The following GRIK1 variants were observed in gnomAD, a reference collection of about 807,000 sequenced individuals.
GRIK1 encodes glutamate receptor ionotropic, kainate 1.
GRIK1 carries 69 observed loss-of-function variants against 105.7 expected under a neutral mutation model. The observed-to-expected ratio is 0.65, with a 90% CI of 0.54 to 0.80. GRIK1 has a LOEUF of 0.80. Ranked by LOEUF, GRIK1 falls within the 30% of genes least tolerant of loss-of-function variation. The pLI is 0.00. For missense variants in GRIK1, 1,109 were observed against 1,167.3 expected, an observed-to-expected ratio of 0.95 and a Z score of 0.73; for synonymous variants, 438 against 431.3, an observed-to-expected ratio of 1.02 and a Z score of -0.19.
At chr21:29,764,330 T>G (rs1166661435) in intron 1 of GRIK1, among the ~76,000 whole-genome samples, 1 of 152,228 alleles carries the variant, frequency 6.6e-6, no homozygotes, top group African/African-American at 2.4e-5. Flanking sequence ...GAAACCTTTA[T>G]TTATTTCCTC....
intron 1 of GRIK1, among the ~76,000 whole-genome samples, chr21:29,855,942 T>C (rs2068449981): frequency 6.6e-6 from 1 of 152,118 alleles, no homozygotes; most frequent in South Asian, 2.1e-4. Context: ...TGAGGAATGT[T>C]TGGTAAAGGA....
chr21:29,912,054 C>G (rs1569212451), intron 1 of GRIK1, among the ~76,000 whole-genome samples: 1 of 151,988 alleles, frequency 6.6e-6, no homozygotes, highest in African/African-American at 2.4e-5. Flanking sequence ...CACACATATA[C>G]ACAGAGAGAA....
chr21:29,643,764 T>G (rs1437196540), intron 6 of GRIK1, among the ~76,000 whole-genome samples: 1 of 152,238 alleles, frequency 6.6e-6, no homozygotes, highest in African/African-American at 2.4e-5. Context: ...CCCTTGCATT[T>G]CACTTGAGGG....
chr21:29,848,779 A>ATATATATATATATATATATATATTTTTTT, intron 1 of GRIK1, among the ~76,000 whole-genome samples: 11 of 77,858 alleles, frequency 1.4e-4, no homozygotes, highest in African/African-American at 5.8e-4. Context: ...ATATATATAT[A>ATATATATATATATATATATATATTTTTTT]TTTTTTTTTT....
At chr21:29,846,473 G>GAAAT (rs2068126370) in intron 1 of GRIK1, among the ~76,000 whole-genome samples, 2 of 75,282 alleles carry the variant, frequency 2.7e-5, no homozygotes, top group Non-Finnish European at 7.5e-5. Context: ...GAGAAAGAAA[G>GAAAT]AAAGAAAGAA....
At chr21:29,739,870 T>C (rs112169115) in intron 1 of GRIK1, among the ~76,000 whole-genome samples, 73 of 152,368 alleles carry the variant, frequency 4.8e-4, no homozygotes, top group Middle Eastern at 3.4e-3. Flanking sequence ...TATTATCACC[T>C]TTCTCTTTGA....
chr21:29,697,928 C>CTCTTTCTTTCTT (rs139206707), intron 1 of GRIK1, among the ~76,000 whole-genome samples: 70 of 145,974 alleles, frequency 4.8e-4, no homozygotes, highest in African/African-American at 1.6e-3. Flanking sequence ...CTCTCTCTCT[C>CTCTTTCTTTCTT]TCTTTCTTTC....
chr21:29,883,748 T>A (rs1203250465), intron 1 of GRIK1, among the ~76,000 whole-genome samples: 2 of 151,984 alleles, frequency 1.3e-5, no homozygotes, highest in Non-Finnish European at 2.9e-5. Flanking sequence ...TATTTATGTG[T>A]TTTTTCTCAA....
intron 1 of GRIK1, among the ~76,000 whole-genome samples, chr21:29,751,059 T>G (rs2065188785): frequency 6.6e-6 from 1 of 152,094 alleles, no homozygotes; most frequent in African/African-American, 2.4e-5. Flanking sequence ...GGGGACCTTT[T>G]GAGCCAGGAT....
intron 1 of GRIK1, among the ~76,000 whole-genome samples, chr21:29,835,184 G>A (rs2067755667): frequency 6.6e-6 from 1 of 152,098 alleles, no homozygotes; most frequent in Non-Finnish European, 1.5e-5. Flanking sequence ...ACTTTTGTAA[G>A]CCTCCTACAA....
intron 1 of GRIK1, among the ~76,000 whole-genome samples, chr21:29,769,321 G>A (rs1051156577): frequency 6.6e-6 from 1 of 152,152 alleles, no homozygotes; most frequent in East Asian, 1.9e-4. Context: ...AGAGACAGAC[G>A]CGTACAGAGA....
At chr21:29,756,272 T>G (rs1000910680) in intron 1 of GRIK1, among the ~76,000 whole-genome samples, 2 of 151,094 alleles carry the variant, frequency 1.3e-5, no homozygotes, top group Admixed American at 6.6e-5. Flanking sequence ...CCCCAGCTAC[T>G]CGGGAGGCTG....
At chr21:29,875,539 C>T (rs966104709) in intron 1 of GRIK1, among the ~76,000 whole-genome samples, 1 of 152,124 alleles carries the variant, frequency 6.6e-6, no homozygotes, top group Admixed American at 6.5e-5. Flanking sequence ...CGCCTGGTAT[C>T]CTTAGGGGCT....
At chr21:29,852,320 C>T (rs540257962) in intron 1 of GRIK1, among the ~76,000 whole-genome samples, 1 of 152,354 alleles carries the variant, frequency 6.6e-6, no homozygotes, top group Admixed American at 6.5e-5. Flanking sequence ...CTATTCACAT[C>T]TGAGTAACTT....
chr21:29,620,793 C>CTATATA (rs1421896438), intron 7 of GRIK1, among the ~76,000 whole-genome samples: 3 of 121,526 alleles, frequency 2.5e-5, no homozygotes, highest in African/African-American at 7.2e-5. Flanking sequence ...ATATATATAT[C>CTATATA]TATATATATA....
At chr21:29,775,275 CAAAA>C (rs66647707) in intron 1 of GRIK1, among the ~76,000 whole-genome samples, 2 of 74,714 alleles carry the variant, frequency 2.7e-5, no homozygotes. Flanking sequence ...GCCTCTGTCT[CAAAA>C]AAAAAAAAAA....
At chr21:29,660,430 G>A (rs1372213428) in intron 4 of GRIK1, among the ~76,000 whole-genome samples, 2 of 152,160 alleles carry the variant, frequency 1.3e-5, no homozygotes, top group Admixed American at 6.5e-5. Flanking sequence ...ACCACACATG[G>A]AGTTATCTTA....
chr21:29,756,573 C>A (rs952536471), intron 1 of GRIK1, among the ~76,000 whole-genome samples: 3 of 151,976 alleles, frequency 2.0e-5, no homozygotes, highest in Non-Finnish European at 2.9e-5. Context: ...GGGTGCCCAT[C>A]CTCTCCCTGA....
intron 1 of GRIK1, among the ~76,000 whole-genome samples, chr21:29,698,153 C>G (rs2146754843): frequency 6.6e-6 from 1 of 151,984 alleles, no homozygotes; most frequent in Non-Finnish European, 1.5e-5. Context: ...TAGGGGTCTT[C>G]ATGTTGTGAA....
Sources: gnomAD v4.1 joint callset for allele counts (sites outside exome capture counted in the v4.1 genomes callset) on GRCh38, gnomAD v4.1.1 for gene constraint, MANE v1.5 for transcripts, NCBI Gene and HGNC (gene_info 2026-07-23, HGNC 2026-07-21) for gene names.